ELK3: variants seen among roughly 807,000 people sequenced by gnomAD.
The protein encoded by ELK3 is ETS domain-containing protein Elk-3.
In ELK3, 10 loss-of-function variants were observed where a neutral mutation model predicts 28.9. The observed-to-expected ratio is 0.35, with a 90% confidence interval of 0.21 to 0.59. The LOEUF (loss-of-function observed/expected upper bound fraction) is 0.59, where lower values mean the gene tolerates loss of function less well. Ranked by LOEUF, ELK3 falls within the 20% of genes least tolerant of loss-of-function variation. The pLI, the probability that ELK3 is intolerant of heterozygous loss-of-function variation, is 0.82. For missense variants in ELK3, 463 were observed against 517.3 expected (o/e 0.90, Z 1.02); for synonymous variants, 272 against 243.5 (o/e 1.12, Z -1.09).
chr12:96,251,732 C>A (rs1951908362), intron 3 of ELK3, among the ~76,000 whole-genome samples: 1 of 152,184 alleles, frequency 6.6e-6, no homozygotes. Flanking sequence ...CAGAGCAAGG[C>A]CCTAACTCTT....
Position 96,211,097 on chromosome 12 carries a change from C to T in ELK3, c.-2-12468C>T, listed in dbSNP as rs193052657. Among the ~76,000 whole-genome samples, 129 of 152,280 alleles carry T rather than the reference C, an allele frequency of 8.5e-4. 1 individual carries two copies. The highest frequency in any genetic ancestry group is 3.4e-3 in the Middle Eastern group (1 of 294). ...AAGTCATAGTTCCTCGTGGGCACAGCCAACTGAGAGTATTAAATTTAGACA... is the reference window on the plus strand; with the variant it reads ...AAGTCATAGTTCCTCGTGGGCACAGTCAACTGAGAGTATTAAATTTAGACA... On this transcript the variant is annotated intron_variant, in intron 1 of 4. Coordinates refer to ENST00000228741, the MANE Select transcript of ELK3 (RefSeq NM_005230.4).
intron 1 of ELK3, among the ~76,000 whole-genome samples, chr12:96,221,329 A>G (rs1951659913): frequency 6.6e-6 from 1 of 152,234 alleles, no homozygotes; most frequent in Non-Finnish European, 1.5e-5. Flanking sequence ...GTAGTAAAAT[A>G]CATGGATAGA....
intron 2 of ELK3, among the ~76,000 whole-genome samples, chr12:96,229,028 C>G (rs1951723460): frequency 6.6e-6 from 1 of 152,216 alleles, no homozygotes; most frequent in South Asian, 2.1e-4. Flanking sequence ...ATATAGCTGA[C>G]TTCATCGTGG....
intron 2 of ELK3, among the ~76,000 whole-genome samples, chr12:96,236,673 A>T (rs1951786351): frequency 6.6e-6 from 1 of 152,180 alleles, no homozygotes; most frequent in Non-Finnish European, 1.5e-5. Flanking sequence ...GTACCATCGC[A>T]GTGGGAAGGG....
chr12:96,201,822 T>G (rs1156286574), intron 1 of ELK3, among the ~76,000 whole-genome samples: 1 of 152,194 alleles, frequency 6.6e-6, no homozygotes, highest in African/African-American at 2.4e-5. Context: ...AAGTTTCCCC[T>G]TGAATTCCAT....
At position 96,268,418 on chromosome 12, in the gene ELK3, A is replaced by T. The variant is rs1319264753; in HGVS notation, c.*1238A>T. On this transcript the variant is annotated 3_prime_UTR_variant, in exon 5 of 5. Transcript: ENST00000228741. The stretch of plus-strand genomic sequence containing the variant: ...TCATCATCGTGGAACTGAACTGATG[A>T]TAACTTGGAACACTCCAGTAAATTC... The T allele has an allele frequency of 1.3e-5, 2 of 152,246 alleles. No individual in the cohort carries two copies. Among genetic ancestry groups the T allele is most frequent in the African/African-American group, 4.8e-5 (2 of 41,470 alleles). The allele number at this position is 152,246 out of a possible 1,614,324, so 9.4% of individuals were successfully genotyped here. A position where few individuals can be genotyped will look rare whatever the true frequency, so the allele number is the denominator to read the frequency against.
chr12:96,207,023 A>G (rs1951542234), intron 1 of ELK3, among the ~76,000 whole-genome samples: 1 of 152,192 alleles, frequency 6.6e-6, no homozygotes, highest in South Asian at 2.1e-4. Flanking sequence ...AAGTTTTGAA[A>G]TCACTCACTG....
intron 3 of ELK3, among the ~76,000 whole-genome samples, chr12:96,250,188 T>C (rs1398614171): frequency 6.6e-6 from 1 of 152,152 alleles, no homozygotes; most frequent in African/African-American, 2.4e-5. Context: ...TGGGAGATGG[T>C]AGAGCCTCGG....
At chr12:96,197,874 A>G (rs7315748) in intron 1 of ELK3, among the ~76,000 whole-genome samples, 76,574 of 152,074 alleles carry the variant, frequency 0.5, 20,613 homozygotes, top group Middle Eastern at 0.64. Flanking sequence ...TATTTGTAAT[A>G]ACTTTTTGGA....
intron 1 of ELK3, among the ~76,000 whole-genome samples, chr12:96,207,276 C>T (rs1043414346): frequency 4.6e-5 from 7 of 152,186 alleles, no homozygotes; most frequent in African/African-American, 1.7e-4. Flanking sequence ...GCACCATAAC[C>T]ATCATATGCA....
At chr12:96,249,392 G>A (rs1951885566) in intron 3 of ELK3, among the ~76,000 whole-genome samples, 2 of 152,136 alleles carry the variant, frequency 1.3e-5, no homozygotes, top group Non-Finnish European at 2.9e-5. Flanking sequence ...CCACTGCGGA[G>A]GGGGAGGGCC....
chr12:96,247,663 A>G lies in ELK3; in HGVS notation c.931A>G (p.Ile311Val), dbSNP rs765672381. The G allele has an allele frequency of 6.2e-7, 1 of 1,612,338 alleles. No homozygotes were observed. The highest frequency in any genetic ancestry group is 1.1e-5 in the South Asian group (1 of 91,036). The change falls in exon 3 of 5, where the codon ATC (isoleucine) becomes GTC (valine). Residue 311 changes from isoleucine to valine, a missense_variant. By Grantham distance (29) the Ile-to-Val change is conservative. Transcript: ENST00000228741. This position sits in a 1 kb window ranked among gnomAD's most constrained non-coding sequence, Gnocchi z 5.5. ...CCCGCTGGTGCTCTCCGGCACCGACATCGGCTCCATCGCCCTCAACAGCCC... is the reference window on the plus strand; with the variant it reads ...CCCGCTGGTGCTCTCCGGCACCGACGTCGGCTCCATCGCCCTCAACAGCCC... ...APPLVLSGTD[I>V]GSIALNSPAL...
At chr12:96,225,723 G>A (rs1951694359) in intron 2 of ELK3, among the ~76,000 whole-genome samples, 1 of 152,128 alleles carries the variant, frequency 6.6e-6, no homozygotes, top group African/African-American at 2.4e-5. Context: ...CAGCCAAAAG[G>A]CACACACACA....
intron 2 of ELK3, among the ~76,000 whole-genome samples, chr12:96,245,562 A>T (rs1327245510): frequency 6.6e-6 from 1 of 152,090 alleles, no homozygotes; most frequent in African/African-American, 2.4e-5. Flanking sequence ...ACTTGAAATG[A>T]TCTTTTTTTA....
At chr12:96,214,499 G>A (rs551449030) in intron 1 of ELK3, among the ~76,000 whole-genome samples, 7 of 151,566 alleles carry the variant, frequency 4.6e-5, no homozygotes, top group Non-Finnish European at 8.8e-5. Flanking sequence ...TAAAGAGTAA[G>A]TAAATAGGTG....
At chr12:96,263,734 T>C (rs547147336) in intron 4 of ELK3, among the ~76,000 whole-genome samples, 32 of 152,278 alleles carry the variant, frequency 2.1e-4, no homozygotes, top group Non-Finnish European at 3.1e-4. Flanking sequence ...TTTAGATGAA[T>C]AGAGCCGAAT....
intron 1 of ELK3, among the ~76,000 whole-genome samples, chr12:96,196,294 A>G (rs571385236): frequency 6.6e-6 from 1 of 151,894 alleles, no homozygotes; most frequent in Admixed American, 6.5e-5. Flanking sequence ...CTTTGAAGTC[A>G]CTTTGGCCAT....
intron 2 of ELK3, among the ~76,000 whole-genome samples, chr12:96,226,185 A>G (rs1037996015): frequency 2.0e-5 from 3 of 152,138 alleles, no homozygotes; most frequent in Admixed American, 6.5e-5. Context: ...AAATCCCAGC[A>G]AACGATGTGT....
intron 2 of ELK3, among the ~76,000 whole-genome samples, chr12:96,224,643 A>G (rs1951687075): frequency 6.6e-6 from 1 of 152,348 alleles, no homozygotes; most frequent in Non-Finnish European, 1.5e-5. Flanking sequence ...ATTTCTGGAA[A>G]AGCAGTTTTA....
Sources: allele counts gnomAD v4.1 joint callset (sites outside exome capture counted in the v4.1 genomes callset), GRCh38; gene constraint gnomAD v4.1.1; non-coding constraint Gnocchi (gnomAD v3.1); transcripts MANE v1.5; gene names NCBI Gene and HGNC (gene_info 2026-07-23, HGNC 2026-07-21).